Variants in HERPUD1 observed in about 807,000 individuals in gnomAD.
The protein encoded by HERPUD1 is homocysteine inducible ER protein with ubiquitin like domain 1, also known as homocysteine-responsive endoplasmic reticulum-resident ubiquitin-like domain member 1 protein.
Under a neutral mutation model 45.0 loss-of-function variants are expected in HERPUD1, and 17 were observed. The observed-to-expected ratio is 0.38, with a 90% CI of 0.26 to 0.57. HERPUD1 has a LOEUF of 0.57. Among genes scored for constraint, HERPUD1 ranks in the 20% least tolerant of loss-of-function variants. HERPUD1 has a pLI of 0.72. For missense variants in HERPUD1, 420 were observed against 490.5 expected, an observed-to-expected ratio of 0.86 and a Z score of 1.36; for synonymous variants, 164 against 177.5, an observed-to-expected ratio of 0.92 and a Z score of 0.61.
chr16:56,935,690 GGA>G (rs1423601844), intron 3 of HERPUD1: 2 of 572,052 alleles, frequency 3.5e-6, no homozygotes, highest in Non-Finnish European at 6.3e-6. Context: ...GTAGAAAGGT[GGA>G]GTTACATATT....
chr16:56,938,811 G>T (rs1339367873), intron 4 of HERPUD1, among the ~76,000 whole-genome samples: 1 of 152,144 alleles, frequency 6.6e-6, no homozygotes, highest in East Asian at 1.9e-4. Flanking sequence ...GGAGGATGGA[G>T]GAAGAAGTGG....
rs760764338 is a variant in HERPUD1 at position 56,943,310 on chromosome 16, G to T, written c.*20G>T. The T allele has an allele frequency of 3.7e-6, 6 of 1,614,062 alleles. No homozygotes were observed. Among genetic ancestry groups the T allele is most frequent in the Non-Finnish European group, 5.1e-6 (6 of 1,179,982 alleles). On this transcript the variant is annotated 3_prime_UTR_variant, in exon 8 of 8. Transcript: ENST00000439977. ...AACTGATGGTGTTTGTGCTGTAGCT[G>T]TTGGAGGCTTTGACAGGAATGGACT... is the stretch of plus-strand genomic sequence containing the variant.
intron 6 of HERPUD1, 46 bp downstream of exon 6, chr16:56,940,291 A>G (rs1197411202): frequency 7.4e-7 from 1 of 1,360,060 alleles, no homozygotes; most frequent in African/African-American, 1.5e-5. Flanking sequence ...CACTGTGTTC[A>G]CACTAAGCAG....
intron 6 of HERPUD1, 42 bp from the exon 7 acceptor site, chr16:56,942,090 G>C: frequency 6.6e-7 from 1 of 1,504,242 alleles, no homozygotes; most frequent in Non-Finnish European, 9.3e-7. Flanking sequence ...AAGTCTCACT[G>C]TGACATCAGC....
rs762847700 is a variant in HERPUD1, at chr16:56,943,143, A to C, written c.1029A>C (p.Glu343Asp). 7.4e-6 allele frequency: 12 copies of C among 1,613,948 alleles called. No individual in the cohort carries two copies. In the South Asian group the frequency reaches 1.3e-4, roughly 18 times the overall value. Reference protein sequence around the residue: ...NNNLQEGTDPETEDPNHLPPD... With the variant: ...NNNLQEGTDPDTEDPNHLPPD... Reference sequence around the variant, plus strand: ...ACCTGTAGGAAGGCACTGATCCTGAAACTGAAGACCCCAACCACCTCCCTC... The same window carrying C: ...ACCTGTAGGAAGGCACTGATCCTGACACTGAAGACCCCAACCACCTCCCTC... The change falls in exon 8 of 8, where the codon GAA becomes GAC. Residue 343 changes from glutamate (E) to aspartate (D), a missense_variant. By Grantham distance (45) the Glu-to-Asp change is conservative (BLOSUM62 2). Transcript: ENST00000439977.
rs1204595408 is a variant in HERPUD1, at chr16:56,932,230, A to G, written c.-15A>G. On this transcript the variant is annotated 5_prime_UTR_variant, in exon 1 of 8. Transcript: ENST00000439977. ...CCTAGGAGCGCAGCGGAGCCCCGAC[A>G]CCGCCGCCGCCGCCATGGAGTCCGA... is the stretch of plus-strand genomic sequence containing the variant. 14 of 1,603,254 alleles carry G rather than the reference A, an allele frequency of 8.7e-6. No homozygotes were observed. The highest frequency in any genetic ancestry group is 1.3e-5 in the African/African-American group (1 of 74,768).
intron 5 of HERPUD1, 128 bp downstream of exon 5, chr16:56,939,487 C>A: frequency 8.3e-7 from 1 of 1,205,916 alleles, no homozygotes; most frequent in Non-Finnish European, 1.2e-6. Flanking sequence ...GAGCCCTGCT[C>A]TGTTTGGTCT....
chr16:56,942,761 C>T (rs2055920605), intron 7 of HERPUD1, among the ~76,000 whole-genome samples: 1 of 152,142 alleles, frequency 6.6e-6, no homozygotes, highest in African/African-American at 2.4e-5. Context: ...GGAAGGATGG[C>T]TTGACCTTGG....
intron 3 of HERPUD1, 93 bp downstream of exon 3, chr16:56,935,568 CTG>C: frequency 9.7e-7 from 1 of 1,027,926 alleles, no homozygotes; most frequent in Non-Finnish European, 1.5e-6. Context: ...TATTGAGAGA[CTG>C]TATGGTGTTA....
chr16:56,939,122 TA>T, intron 4 of HERPUD1, 114 bp from the exon 5 acceptor site: 1 of 1,216,824 alleles, frequency 8.2e-7, no homozygotes, highest in Non-Finnish European at 1.2e-6. Context: ...GTAACTGCCG[TA>T]AATTCCATTC....
chr16:56,940,452 G>A (rs900687803), intron 6 of HERPUD1: 7 of 521,844 alleles, frequency 1.3e-5, no homozygotes, highest in East Asian at 3.2e-5. Flanking sequence ...GATTACAGGC[G>A]CCCACCACCA....
Position 56,932,297 on chromosome 16 carries a change from A to G in HERPUD1, c.53A>G (p.Asn18Ser), listed in dbSNP as rs763120414. 2 of 1,608,798 alleles carry G rather than the reference A, an allele frequency of 1.2e-6. No homozygotes were observed. The highest frequency in any genetic ancestry group is 1.7e-6 in the Non-Finnish European group (2 of 1,179,256). Reference protein sequence around the residue: ...EPVTLLVKSPNQRHRDLELSG... With the variant: ...EPVTLLVKSPSQRHRDLELSG... ...GTCACGCTCCTGGTGAAGAGCCCCA[A>G]CCAGCGCCACCGCGACTTGGAGCTG... The change falls in exon 1 of 8, where the codon AAC becomes AGC. Residue 18 changes from asparagine to serine, a missense_variant. Physicochemically the swap from Asn to Ser is conservative, Grantham distance 46. Coordinates refer to ENST00000439977, the MANE Select transcript of HERPUD1 (RefSeq NM_014685.4).
At chr16:56,935,064 GAC>G (rs1284045741) in intron 1 of HERPUD1, 169 bp from the exon 2 acceptor site, 1 of 595,596 alleles carries the variant, frequency 1.7e-6, no homozygotes, top group Non-Finnish European at 3.0e-6. Flanking sequence ...TTAAAGTTAA[GAC>G]ACTTTCTAAA....
chr16:56,941,646 C>T (rs1406587895), intron 6 of HERPUD1: 1 of 152,098 alleles, frequency 6.6e-6, no homozygotes, highest in Non-Finnish European at 1.5e-5. Flanking sequence ...ACTCAAATAT[C>T]CACAATTAGT....
At position 56,943,197 on chromosome 16, in the gene HERPUD1, G is replaced by A. The variant is rs745558905; in HGVS notation, c.1083G>A (p.Gln361=). The change falls in exon 8 of 8, where the codon CAG becomes CAA. Residue 361 remains glutamine (Q), a synonymous_variant. Coordinates refer to ENST00000439977, the MANE Select transcript of HERPUD1 (RefSeq NM_014685.4). ...ACAGGGATGTACTAGATGGCGAGCA[G>A]ACCAGCCCCTCCTTTATGAGCACAG... is the stretch of plus-strand genomic sequence containing the variant. The part of the protein sequence containing the change: ...PPDRDVLDGE[Q]TSPSFMSTAW... The A allele has an allele frequency of 5.0e-6, 8 of 1,614,100 alleles. No individual in the cohort carries two copies. The highest frequency in any genetic ancestry group is 5.9e-6 in the Non-Finnish European group (7 of 1,180,036).
chr16:56,936,485 A>G (rs1396535898), intron 3 of HERPUD1: 1 of 354,264 alleles, frequency 2.8e-6, no homozygotes. Flanking sequence ...AAAAATATGA[A>G]TATTTTAGCA....
At chr16:56,937,088 G>A (rs1266892324) in intron 4 of HERPUD1, 4 of 225,620 alleles carry the variant, frequency 1.8e-5, no homozygotes, top group East Asian at 2.2e-4. Flanking sequence ...TGTGCTGACC[G>A]CTTGGTTGCC....
At chr16:56,937,414 C>A (rs1321168653) in intron 4 of HERPUD1, 10 of 152,160 alleles carry the variant, frequency 6.6e-5, no homozygotes, top group African/African-American at 2.4e-4. Context: ...CTCCAATTCT[C>A]CGTCCCCCTT....
chr16:56,943,850 T>G lies in HERPUD1; in HGVS notation c.*560T>G, dbSNP rs2144829738. The G allele has an allele frequency of 4.9e-6, 1 of 203,858 alleles. No individual in the cohort carries two copies. The highest frequency in any genetic ancestry group is 7.8e-5 in the East Asian group (1 of 12,786). 12.6% of individuals were successfully genotyped at this position (203,858 alleles called of 1,614,324 possible). ...AGGTGAAAACCTTTGCTGGGTTTTC[T>G]GTTCAATAAAGTTTTACTATGAATG... is the stretch of plus-strand genomic sequence containing the variant. On this transcript the variant is annotated 3_prime_UTR_variant, in exon 8 of 8. Coordinates refer to ENST00000439977, the MANE Select transcript of HERPUD1 (RefSeq NM_014685.4).
Sources: gnomAD v4.1 joint callset for allele counts (sites outside exome capture counted in the v4.1 genomes callset) on GRCh38, gnomAD v4.1.1 for gene constraint, MANE v1.5 for transcripts, NCBI Gene and HGNC (gene_info 2026-07-23, HGNC 2026-07-21) for gene names.